Variants in BEND6 observed in about 807,000 individuals in gnomAD.
BEND6 encodes BEN domain-containing protein 6.
In BEND6, 24 loss-of-function variants were observed where a neutral mutation model predicts 31.8. The observed-to-expected ratio is 0.75, with a 90% CI of 0.55 to 1.06. BEND6 has a LOEUF of 1.06. BEND6 is among the 50% of genes least tolerant of loss of function. BEND6 has a pLI of 0.00. For missense variants in BEND6, 294 were observed against 327.4 expected, an observed-to-expected ratio of 0.90 and a Z score of 0.79; for synonymous variants, 109 against 114.6, an observed-to-expected ratio of 0.95 and a Z score of 0.31.
intron 3 of BEND6, among the ~76,000 whole-genome samples, chr6:57,004,240 C>T (rs1827062346): frequency 6.6e-6 from 1 of 151,818 alleles, no homozygotes; most frequent in Admixed American, 6.6e-5. Flanking sequence ...AGCTATCTCT[C>T]TTTGCTGACA....
Position 57,026,370 on chromosome 6 carries a change from T to C in BEND6, c.*298T>C, listed in dbSNP as rs189164906. On this transcript the variant is annotated 3_prime_UTR_variant, in exon 7 of 7. Transcript: ENST00000370746. ...AAATAAGCATTTCCCAATCCCCAAATACCCCTCTGTACAGTTAATCTAACA... is the reference window on the plus strand; with the variant it reads ...AAATAAGCATTTCCCAATCCCCAAACACCCCTCTGTACAGTTAATCTAACA... 2 of 152,314 alleles carry C rather than the reference T, an allele frequency of 1.3e-5. No individual in the cohort carries two copies. The highest frequency in any genetic ancestry group is 1.3e-4 in the Admixed American group (2 of 15,292). 9.4% of individuals were successfully genotyped at this position (152,314 alleles called of 1,614,324 possible).
chr6:56,961,115 C>G (rs905011684), intron 1 of BEND6, among the ~76,000 whole-genome samples: 1 of 152,104 alleles, frequency 6.6e-6, no homozygotes, highest in Non-Finnish European at 1.5e-5. Flanking sequence ...GAGCTCTCCC[C>G]CAACTCCCAC....
intron 3 of BEND6, among the ~76,000 whole-genome samples, chr6:57,001,770 C>G (rs746749329): frequency 3.9e-5 from 6 of 152,136 alleles, no homozygotes; most frequent in African/African-American, 7.2e-5. Context: ...AATAATGAAA[C>G]CTACTACCAC....
At chr6:56,998,003 T>TA (rs572898556) in intron 3 of BEND6, among the ~76,000 whole-genome samples, 9 of 151,930 alleles carry the variant, frequency 5.9e-5, no homozygotes, top group Admixed American at 2.0e-4. Context: ...TCTGGATAGT[T>TA]AAAAAACATA....
intron 1 of BEND6, among the ~76,000 whole-genome samples, chr6:56,979,854 C>T (rs939157822): frequency 6.6e-6 from 1 of 152,164 alleles, no homozygotes; most frequent in Non-Finnish European, 1.5e-5. Flanking sequence ...TTTGTATTTA[C>T]TAGGAGGACA....
At chr6:57,000,646 AAAG>A in intron 3 of BEND6, among the ~76,000 whole-genome samples, 1 of 151,902 alleles carries the variant, frequency 6.6e-6, no homozygotes, top group Non-Finnish European at 1.5e-5. Flanking sequence ...AAAAAAAAAA[AAAG>A]TAGGAGTTGA....
intron 2 of BEND6, 79 bp from the exon 3 acceptor site, chr6:56,992,299 C>T: frequency 2.1e-6 from 3 of 1,430,166 alleles, no homozygotes; most frequent in Non-Finnish European, 1.9e-6. Flanking sequence ...GTAGTCCCAA[C>T]AACATGCAAT....
chr6:56,971,915 A>G (rs568960811), intron 1 of BEND6, among the ~76,000 whole-genome samples: 1 of 151,946 alleles, frequency 6.6e-6, no homozygotes, highest in Admixed American at 6.6e-5. Flanking sequence ...TGCCTTTTTA[A>G]CTCTGTTAAT....
chr6:56,973,392 C>G (rs1270521113), intron 1 of BEND6, among the ~76,000 whole-genome samples: 1 of 152,104 alleles, frequency 6.6e-6, no homozygotes, highest in East Asian at 1.9e-4. Context: ...TTCTAAGACC[C>G]CAGTGGATGC....
intron 1 of BEND6, among the ~76,000 whole-genome samples, chr6:56,963,901 CAAT>C (rs1825373397): frequency 6.8e-6 from 1 of 146,796 alleles, no homozygotes; most frequent in South Asian, 2.1e-4. Flanking sequence ...GTTATAATTA[CAAT>C]ATTAATAATA....
intron 6 of BEND6, among the ~76,000 whole-genome samples, chr6:57,019,979 G>T (rs138607927): frequency 6.6e-6 from 1 of 152,150 alleles, no homozygotes; most frequent in Non-Finnish European, 1.5e-5. Context: ...CACACCTGTA[G>T]TCCCAGTAAC....
At chr6:57,022,164 C>CTTTTTTTT (rs57185788) in intron 6 of BEND6, among the ~76,000 whole-genome samples, 19 of 111,156 alleles carry the variant, frequency 1.7e-4, no homozygotes, top group Non-Finnish European at 2.6e-4. Flanking sequence ...TTTTCTTTTT[C>CTTTTTTTT]TTTTTTTTTT....
chr6:56,976,367 T>C lies in BEND6; in HGVS notation c.-100-5344T>C, dbSNP rs151174280. On this transcript the variant is annotated intron_variant, in intron 1 of 6. Transcript: ENST00000370746. Reference sequence around the variant, plus strand: ...CCCGCCACCATGCCCGGCTAATTTTTTGTATTTTTAGTGGAGACAATGTTT... The same window carrying C: ...CCCGCCACCATGCCCGGCTAATTTTCTGTATTTTTAGTGGAGACAATGTTT... Among the ~76,000 whole-genome samples, 19 of 151,638 alleles carry C rather than the reference T, an allele frequency of 1.3e-4. No individual in the cohort carries two copies. The East Asian group carries it at 3.7e-3, about 30-fold the overall frequency.
chr6:57,024,998 A>G (rs1827859649), intron 6 of BEND6, among the ~76,000 whole-genome samples: 1 of 152,106 alleles, frequency 6.6e-6, no homozygotes, highest in South Asian at 2.1e-4. Context: ...TGCTGTTGAG[A>G]GCCTCTAATG....
rs184510736 is a variant in BEND6, at chr6:56,986,424, C to T, written c.120+4494C>T. Among the ~76,000 whole-genome samples, 63 of 151,808 alleles carry T rather than the reference C, an allele frequency of 4.1e-4. 2 individuals carry two copies. The East Asian group carries it at 0.011, about 28-fold the overall frequency. On this transcript the variant is annotated intron_variant, in intron 2 of 6. Transcript: ENST00000370746. ...CTGCACTCCAGCCCGGGCAAAAGAG[C>T]AAGACCTGTTTCCAGAAAATAATAA... is the stretch of plus-strand genomic sequence containing the variant.
At chr6:56,980,641 G>A (rs917033267) in intron 1 of BEND6, among the ~76,000 whole-genome samples, 9 of 152,266 alleles carry the variant, frequency 5.9e-5, no homozygotes, top group Admixed American at 1.3e-4. Flanking sequence ...AAGAAGAGTC[G>A]CAACAAGCAT....
At chr6:56,992,675 T>C (rs997510786) in intron 3 of BEND6, 120 bp downstream of exon 3, 6 of 1,121,784 alleles carry the variant, frequency 5.3e-6, no homozygotes, top group African/African-American at 4.8e-5. Flanking sequence ...GCTCAAAAAA[T>C]CACAGTTTTA....
At chr6:56,979,648 AG>A (rs1826001684) in intron 1 of BEND6, among the ~76,000 whole-genome samples, 1 of 152,246 alleles carries the variant, frequency 6.6e-6, no homozygotes, top group South Asian at 2.1e-4. Flanking sequence ...TCTTTTCATT[AG>A]TAAATTTGGC....
intron 1 of BEND6, among the ~76,000 whole-genome samples, chr6:56,977,006 T>C (rs965306332): frequency 6.6e-6 from 1 of 152,204 alleles, no homozygotes; most frequent in Non-Finnish European, 1.5e-5. Context: ...TAAAATGGAC[T>C]ATCTCATTTT....
Sources: gnomAD v4.1 joint callset for allele counts (sites outside exome capture counted in the v4.1 genomes callset) on GRCh38, gnomAD v4.1.1 for gene constraint, MANE v1.5 for transcripts, NCBI Gene and HGNC (gene_info 2026-07-23, HGNC 2026-07-21) for gene names.